PDE7B: variants seen among roughly 807,000 people sequenced by gnomAD.
PDE7B encodes phosphodiesterase 7B, also known as 3',5'-cyclic-AMP phosphodiesterase 7B.
Under a neutral mutation model 56.2 loss-of-function variants are expected in PDE7B, and 29 were observed. The ratio of observed to expected loss-of-function variants is 0.52; its 90% CI spans 0.38 to 0.70. PDE7B has a LOEUF of 0.70. Ranked by LOEUF, PDE7B falls within the 30% of genes least tolerant of loss-of-function variation. The pLI is 0.00. For missense variants in PDE7B, 490 were observed against 565.0 expected (o/e 0.87, Z 1.35); for synonymous variants, 197 against 196.9 (o/e 1.00, Z 0.00).
chr6:136,062,245 G>T (rs1776857426), intron 2 of PDE7B, among the ~76,000 whole-genome samples: 1 of 152,022 alleles, frequency 6.6e-6, no homozygotes, highest in Non-Finnish European at 1.5e-5. Flanking sequence ...AATAAAAATT[G>T]TATATGTTTA....
intron 3 of PDE7B, among the ~76,000 whole-genome samples, chr6:136,115,619 G>A (rs1648782930): frequency 3.3e-5 from 5 of 152,162 alleles, no homozygotes; most frequent in Admixed American, 3.3e-4. Flanking sequence ...CTGTTAACCT[G>A]TCTGACATCA....
chr6:135,945,863 A>C (rs1324118095), intron 1 of PDE7B, among the ~76,000 whole-genome samples: 1 of 152,180 alleles, frequency 6.6e-6, no homozygotes, highest in East Asian at 1.9e-4. Context: ...TGTATTGTAC[A>C]AAGGGCCATT....
At position 136,154,050 on chromosome 6, in the gene PDE7B, ATTGAG is replaced by A. The variant is rs778193571; in HGVS notation, c.479-22_479-18del. On this transcript the variant is annotated intron_variant, in intron 6 of 12. Coordinates refer to ENST00000308191, the MANE Select transcript of PDE7B (RefSeq NM_018945.4). ...ACCACTCCTATTTGGGTTTTAGTTG[ATTGAG>A]TTATCTGTTTACCTCCCAGTCATGG... 6.5e-6 allele frequency: 10 copies of A among 1,544,056 alleles called. No homozygotes were observed. Among genetic ancestry groups the A allele is most frequent in the East Asian group, 4.5e-5 (2 of 44,482 alleles).
At chr6:136,035,346 A>G (rs1242362019) in intron 2 of PDE7B, 4 of 152,266 alleles carry the variant, frequency 2.6e-5, no homozygotes, top group Non-Finnish European at 5.9e-5. Context: ...ACGAAATGTA[A>G]CAAAACCACC....
At chr6:135,853,824 C>T (rs1774978101) in intron 1 of PDE7B, among the ~76,000 whole-genome samples, 1 of 152,066 alleles carries the variant, frequency 6.6e-6, no homozygotes, top group South Asian at 2.1e-4. Flanking sequence ...ACGAGTGCAT[C>T]ATTTAATGCC....
chr6:135,929,704 A>C (rs1168819715), intron 1 of PDE7B, among the ~76,000 whole-genome samples: 1 of 152,168 alleles, frequency 6.6e-6, no homozygotes, highest in Non-Finnish European at 1.5e-5. Context: ...CTGATTTGAT[A>C]CTAGGAAATT....
rs73775619 is a variant in PDE7B at position 135,928,938 on chromosome 6, C to T, written c.22-18526C>T. On this transcript the variant is annotated intron_variant, in intron 1 of 12. Transcript: ENST00000308191. ...GCAAATTACCCATGTAACAAACCTG[C>T]ACGTGTACCCTCTGAACCTAAAATA... is the stretch of plus-strand genomic sequence containing the variant. 6.7e-3 allele frequency among the ~76,000 whole-genome samples: 1,018 copies of T among 152,218 alleles called. 10 individuals are homozygous for T. Among genetic ancestry groups the T allele is most frequent in the African/African-American group, 0.023 (946 of 41,530 alleles).
intron 3 of PDE7B, among the ~76,000 whole-genome samples, chr6:136,122,193 C>T (rs1777947775): frequency 6.6e-6 from 1 of 151,890 alleles, no homozygotes; most frequent in Admixed American, 6.6e-5. Context: ...GATGGGGTTT[C>T]ACCGTGTTAG....
rs775103402 is a variant in PDE7B at position 136,108,758 on chromosome 6, G to A, written c.110G>A (p.Gly37Glu). The change falls in exon 3 of 13, where the codon GGG (glycine) becomes GAG (glutamate). Residue 37 changes from glycine to glutamate, a missense_variant. Gly to Glu is a moderately conservative substitution (Grantham distance 98). Coordinates refer to ENST00000308191, the MANE Select transcript of PDE7B (RefSeq NM_018945.4). ...LGDIRLRGQTGVRAERRGSYP... is the reference protein window; with the variant it reads ...LGDIRLRGQTEVRAERRGSYP... ...GATATACGACTAAGGGGTCAGACGG[G>A]GGTTCGTGCTGAACGCCGTGGCTCC... 1.9e-6 allele frequency: 3 copies of A among 1,611,838 alleles called. No homozygotes were observed. Among genetic ancestry groups the A allele is most frequent in the Non-Finnish European group, 2.5e-6 (3 of 1,178,016 alleles).
chr6:135,954,361 G>C (rs942988160), intron 2 of PDE7B, among the ~76,000 whole-genome samples: 7 of 152,086 alleles, frequency 4.6e-5, no homozygotes, highest in Non-Finnish European at 2.9e-5. Flanking sequence ...TGCATCTCTC[G>C]AGTGTGTCAA....
intron 2 of PDE7B, among the ~76,000 whole-genome samples, chr6:136,093,639 G>A (rs1023171917): frequency 2.6e-5 from 4 of 152,136 alleles, no homozygotes; most frequent in Non-Finnish European, 5.9e-5. Context: ...GAACACATAG[G>A]CCCTAGGAGA....
At position 136,173,968 on chromosome 6, in the gene PDE7B, T is replaced by C. The variant is rs961171135; in HGVS notation, c.803+80T>C. The C allele has an allele frequency of 4.2e-6, 4 of 962,088 alleles. No homozygotes were observed. The African/African-American group carries it at 6.4e-5, about 15-fold the overall frequency. 59.6% of individuals were successfully genotyped at this position (962,088 alleles called of 1,614,324 possible). On this transcript the variant is annotated intron_variant, in intron 9 of 12. Transcript: ENST00000308191. Reference sequence around the variant, plus strand: ...TTTCTCTAGGGCAGGCTTGGGACCTTTTGCGTGAATGGCAGAGAGCCCCCC... The same window carrying C: ...TTTCTCTAGGGCAGGCTTGGGACCTCTTGCGTGAATGGCAGAGAGCCCCCC...
In PDE7B at chr6:136,185,524, G is replaced by T. The variant is rs571894533; in HGVS notation, c.1046-1512G>T. On this transcript the variant is annotated intron_variant, in intron 11 of 12. Coordinates refer to ENST00000308191, the MANE Select transcript of PDE7B (RefSeq NM_018945.4). ...AATCCCAATGCTTTGGGAGGCTGAA[G>T]CAGGAGGATTGCTTGAAGCCAGGAG... Among the ~76,000 whole-genome samples, 7 of 152,242 alleles carry T rather than the reference G, an allele frequency of 4.6e-5. No homozygotes were observed. The East Asian group carries it at 1.2e-3, about 25-fold the overall frequency.
chr6:136,186,715 CTT>C (rs1450060506), intron 11 of PDE7B, among the ~76,000 whole-genome samples: 1 of 152,166 alleles, frequency 6.6e-6, no homozygotes. Context: ...AAAGCCATAA[CTT>C]TTATTTCATG....
intron 2 of PDE7B, among the ~76,000 whole-genome samples, chr6:136,097,550 C>A (rs1777488448): frequency 6.6e-6 from 1 of 152,148 alleles, no homozygotes; most frequent in Admixed American, 6.6e-5. Context: ...CCTAGTCATT[C>A]TTTACCCTTC....
chr6:135,950,700 T>C (rs914374282), intron 2 of PDE7B, among the ~76,000 whole-genome samples: 2 of 152,106 alleles, frequency 1.3e-5, no homozygotes, highest in Non-Finnish European at 2.9e-5. Context: ...TTCAGCACAG[T>C]TGGGGTGGAA....
chr6:136,173,580 G>T (rs994965101), intron 8 of PDE7B, among the ~76,000 whole-genome samples: 3 of 152,162 alleles, frequency 2.0e-5, no homozygotes, highest in African/African-American at 7.2e-5. Context: ...GCAGCAGAGG[G>T]TGAGCCGCAG....
intron 6 of PDE7B, 41 bp downstream of exon 6, chr6:136,151,296 A>G: frequency 1.0e-6 from 1 of 987,754 alleles, no homozygotes; most frequent in Non-Finnish European, 1.6e-6. Context: ...ATTCTCTTGA[A>G]TAATGGCAAT....
chr6:135,929,812 AC>A (rs1774260704), intron 1 of PDE7B, among the ~76,000 whole-genome samples: 1 of 152,136 alleles, frequency 6.6e-6, no homozygotes, highest in Non-Finnish European at 1.5e-5. Context: ...CTCCAGGAGG[AC>A]CAGGTGATAC....
Sources: gnomAD v4.1 joint callset for allele counts (sites outside exome capture counted in the v4.1 genomes callset) on GRCh38, gnomAD v4.1.1 for gene constraint, MANE v1.5 for transcripts, NCBI Gene and HGNC (gene_info 2026-07-23, HGNC 2026-07-21) for gene names.